Variants in TBC1D22A observed in about 807,000 individuals in gnomAD.
TBC1D22A encodes the protein putative GTPase activator.
In TBC1D22A, 38 loss-of-function variants were observed where a neutral mutation model predicts 60.2. The observed-to-expected ratio is 0.63, with a 90% CI of 0.49 to 0.83. The LOEUF is 0.83. TBC1D22A is among the 40% of genes least tolerant of loss of function. TBC1D22A has a pLI of 0.00. For synonymous variants in TBC1D22A, 302 were observed against 281.7 expected, an observed-to-expected ratio of 1.07 and a Z score of -0.72; for missense variants, 628 against 701.0, an observed-to-expected ratio of 0.90 and a Z score of 1.18.
At chr22:46,895,125 G>C (rs1602354822) in intron 7 of TBC1D22A, among the ~76,000 whole-genome samples, 1 of 152,172 alleles carries the variant, frequency 6.6e-6, no homozygotes, top group East Asian at 1.9e-4. Context: ...TGAGGAAACA[G>C]AACCCCCCAG....
intron 12 of TBC1D22A, among the ~76,000 whole-genome samples, chr22:47,167,207 A>AAGGTAACACCC (rs1185864955): frequency 6.6e-6 from 1 of 152,198 alleles, no homozygotes; most frequent in Non-Finnish European, 1.5e-5. Context: ...TACACACAGA[A>AAGGTAACACCC]AGGTAACACC....
intron 8 of TBC1D22A, among the ~76,000 whole-genome samples, chr22:46,916,304 A>G (rs979271664): frequency 2.0e-5 from 3 of 152,180 alleles, no homozygotes; most frequent in Admixed American, 2.0e-4. Context: ...TGGGGGAGCA[A>G]TGCTCAAGCT....
intron 10 of TBC1D22A, among the ~76,000 whole-genome samples, chr22:47,030,375 C>A (rs2062428374): frequency 6.6e-6 from 1 of 152,118 alleles, no homozygotes; most frequent in African/African-American, 2.4e-5. Context: ...GTGTTTTTTC[C>A]ATTTTAGCCT....
At chr22:47,034,713 C>T (rs1372683052) in intron 10 of TBC1D22A, among the ~76,000 whole-genome samples, 1 of 152,104 alleles carries the variant, frequency 6.6e-6, no homozygotes, top group Non-Finnish European at 1.5e-5. Flanking sequence ...GGCCTATGTG[C>T]CGGGGACTTT....
chr22:46,827,697 C>G (rs1486768268), intron 4 of TBC1D22A, among the ~76,000 whole-genome samples: 2 of 152,136 alleles, frequency 1.3e-5, no homozygotes, highest in Non-Finnish European at 2.9e-5. Context: ...TGAGTGAGGT[C>G]TCAGCCTTAG....
At chr22:46,861,946 G>T (rs537509719) in intron 4 of TBC1D22A, among the ~76,000 whole-genome samples, 1 of 152,236 alleles carries the variant, frequency 6.6e-6, no homozygotes, top group Admixed American at 6.5e-5. Flanking sequence ...CCCTTCCTGT[G>T]CTTCCAGGAG....
chr22:47,078,484 C>G (rs930590485), intron 11 of TBC1D22A, among the ~76,000 whole-genome samples: 3 of 152,216 alleles, frequency 2.0e-5, no homozygotes, highest in Admixed American at 6.5e-5. Flanking sequence ...CTGTAAGACA[C>G]TGCTGGTGGT....
rs1465909462 is a variant in TBC1D22A, at chr22:47,073,270, T to A, written c.1329+36072T>A. Among the ~76,000 whole-genome samples the A allele has an allele frequency of 2.0e-5, 3 of 152,256 alleles. 1 individual carries two copies. Among genetic ancestry groups the A allele is most frequent in the African/African-American group, 7.2e-5 (3 of 41,470 alleles). ...ATCCACGTAATGTTGTTCCAGGCTGTAGAAAGCAACTATTGTTATTCCAGA... is the reference window on the plus strand; with the variant it reads ...ATCCACGTAATGTTGTTCCAGGCTGAAGAAAGCAACTATTGTTATTCCAGA... On this transcript the variant is annotated intron_variant, in intron 11 of 12. Coordinates refer to ENST00000337137, the MANE Select transcript of TBC1D22A (RefSeq NM_014346.5).
chr22:47,092,728 A>G (rs2065025621), intron 11 of TBC1D22A, among the ~76,000 whole-genome samples: 1 of 152,228 alleles, frequency 6.6e-6, no homozygotes, highest in Non-Finnish European at 1.5e-5. Context: ...TCTTTTAGCT[A>G]AGTTCAGTCT....
intron 4 of TBC1D22A, among the ~76,000 whole-genome samples, chr22:46,860,925 C>T (rs548003986): frequency 6.6e-6 from 1 of 152,228 alleles, no homozygotes; most frequent in South Asian, 2.1e-4. Flanking sequence ...GGGGGAGGCT[C>T]TGCTCATTCT....
intron 4 of TBC1D22A, among the ~76,000 whole-genome samples, chr22:46,834,284 C>CA (rs2086428943): frequency 6.6e-6 from 1 of 152,144 alleles, no homozygotes; most frequent in Non-Finnish European, 1.5e-5. Context: ...TCATCCCCCC[C>CA]AGCAGTAATA....
intron 10 of TBC1D22A, among the ~76,000 whole-genome samples, chr22:47,007,751 C>T (rs1201895374): frequency 6.6e-6 from 1 of 152,132 alleles, no homozygotes; most frequent in African/African-American, 2.4e-5. Context: ...TCTCTGCCAT[C>T]TCTTATAGGG....
At chr22:46,838,295 T>G (rs1173514777) in intron 4 of TBC1D22A, among the ~76,000 whole-genome samples, 1 of 152,134 alleles carries the variant, frequency 6.6e-6, no homozygotes, top group Non-Finnish European at 1.5e-5. Flanking sequence ...AAGACTCAAA[T>G]GCAATCATAA....
intron 12 of TBC1D22A, among the ~76,000 whole-genome samples, chr22:47,167,765 T>C (rs1034140024): frequency 2.0e-5 from 3 of 152,032 alleles, no homozygotes; most frequent in African/African-American, 7.3e-5. Flanking sequence ...CACCATTCGA[T>C]TGGATAAAGG....
At chr22:47,036,593 C>T (rs529274756) in intron 10 of TBC1D22A, among the ~76,000 whole-genome samples, 1 of 152,324 alleles carries the variant, frequency 6.6e-6, no homozygotes, top group South Asian at 2.1e-4. Context: ...GTCCCACTTG[C>T]GCACTCAACG....
chr22:47,015,632 C>T (rs1320551272), intron 10 of TBC1D22A, among the ~76,000 whole-genome samples: 1 of 152,192 alleles, frequency 6.6e-6, no homozygotes, highest in African/African-American at 2.4e-5. Flanking sequence ...TTTTACTGTG[C>T]GGTGTCCATG....
chr22:46,786,082 GT>G (rs2084148536), intron 1 of TBC1D22A, among the ~76,000 whole-genome samples: 1 of 152,148 alleles, frequency 6.6e-6, no homozygotes, highest in Non-Finnish European at 1.5e-5. Flanking sequence ...TCTCATCCTT[GT>G]CTTTTTCCTG....
intron 4 of TBC1D22A, among the ~76,000 whole-genome samples, chr22:46,868,165 G>A (rs1476438363): frequency 6.6e-6 from 1 of 152,110 alleles, no homozygotes; most frequent in Non-Finnish European, 1.5e-5. Flanking sequence ...TGTTAAGTAC[G>A]TATGTGGGAA....
intron 10 of TBC1D22A, among the ~76,000 whole-genome samples, chr22:47,032,594 G>A (rs1234452046): frequency 6.6e-6 from 1 of 152,230 alleles, no homozygotes; most frequent in Non-Finnish European, 1.5e-5. Flanking sequence ...TGTGGGCACA[G>A]CACTCGTGTC....
Sources: gnomAD v4.1 joint callset for allele counts (sites outside exome capture counted in the v4.1 genomes callset) on GRCh38, gnomAD v4.1.1 for gene constraint, MANE v1.5 for transcripts, NCBI Gene and HGNC (gene_info 2026-07-23, HGNC 2026-07-21) for gene names.